Variants in ADAD1 observed in about 807,000 individuals in gnomAD.
ADAD1 encodes adenosine deaminase domain containing 1, also known as adenosine deaminase domain-containing protein 1.
In ADAD1, 46 loss-of-function variants were observed where a neutral mutation model predicts 66.8. The ratio of observed to expected loss-of-function variants is 0.69; its 90% CI spans 0.54 to 0.88. The LOEUF (loss-of-function observed/expected upper bound fraction) is 0.88, where lower values mean the gene tolerates loss of function less well. Ranked by LOEUF, ADAD1 falls within the 40% of genes least tolerant of loss-of-function variation. ADAD1 has a pLI of 0.00. For synonymous variants in ADAD1, 248 were observed against 229.4 expected, an observed-to-expected ratio of 1.08 and a Z score of -0.73; for missense variants, 617 against 681.8, an observed-to-expected ratio of 0.91 and a Z score of 1.06.
intron 5 of ADAD1, among the ~76,000 whole-genome samples, chr4:122,384,239 C>T (rs1795050138): frequency 6.6e-6 from 1 of 152,104 alleles, no homozygotes; most frequent in Non-Finnish European, 1.5e-5. Flanking sequence ...ATATAGTTTT[C>T]TTTGTAATTT....
chr4:122,428,072 G>A (rs1186084196), intron 12 of ADAD1, among the ~76,000 whole-genome samples: 2 of 120,056 alleles, frequency 1.7e-5, no homozygotes, highest in African/African-American at 7.5e-5. Flanking sequence ...TGGGATATGT[G>A]TGGGTAAAAC....
chr4:122,385,863 G>A (rs1795148177), intron 5 of ADAD1, among the ~76,000 whole-genome samples: 1 of 152,114 alleles, frequency 6.6e-6, no homozygotes, highest in Non-Finnish European at 1.5e-5. Flanking sequence ...CCCTTCAAAG[G>A]ACATGATCTC....
At chr4:122,415,238 A>C in intron 10 of ADAD1, 141 bp from the exon 11 acceptor site, 2 of 641,964 alleles carry the variant, frequency 3.1e-6, no homozygotes, top group Non-Finnish European at 5.3e-6. Context: ...AGTAGATGCT[A>C]AGAGAATAGA....
chr4:122,410,619 C>T (rs1463462830), intron 8 of ADAD1, among the ~76,000 whole-genome samples: 7 of 152,122 alleles, frequency 4.6e-5, no homozygotes, highest in African/African-American at 1.7e-4. Flanking sequence ...TCTCCTCAAT[C>T]GTTTTTCATT....
At chr4:122,406,580 C>T (rs929815276) in intron 7 of ADAD1, among the ~76,000 whole-genome samples, 8 of 152,122 alleles carry the variant, frequency 5.3e-5, no homozygotes, top group Admixed American at 2.6e-4. Context: ...ATGGTTTTTA[C>T]TTCAGTAGCT....
At position 122,411,583 on chromosome 4, in the gene ADAD1, A is replaced by G. The variant is rs113562154; in HGVS notation, c.1019+191A>G. ...CGTCAATCTAATCTATTACTTCTAC[A>G]GGTTGAGCTTCCCAAATCCAAAAGT... On this transcript the variant is annotated intron_variant, in intron 9 of 12. Coordinates refer to ENST00000296513, the MANE Select transcript of ADAD1 (RefSeq NM_139243.4). Among the ~76,000 whole-genome samples, 581 of 152,286 alleles carry G rather than the reference A, an allele frequency of 3.8e-3. 4 individuals are homozygous for G. The highest frequency in any genetic ancestry group is 0.013 in the African/African-American group (545 of 41,552).
chr4:122,393,651 C>G lies in ADAD1; in HGVS notation c.592C>G (p.His198Asp). Reference sequence around the variant, plus strand: ...TGAACTAGCATATGTTTCAAAAGTACATTATGGTAGGAAAGTTTTTTGTGA... The same window carrying G: ...TGAACTAGCATATGTTTCAAAAGTAGATTATGGTAGGAAAGTTTTTTGTGA... ...LSELAYVSKVHYEGRHIQYAK... is the reference protein window; with the variant it reads ...LSELAYVSKVDYEGRHIQYAK... The change falls in exon 6 of 13, where the codon CAT becomes GAT. Residue 198 changes from histidine to aspartate, a missense_variant. Coordinates refer to ENST00000296513, the MANE Select transcript of ADAD1 (RefSeq NM_139243.4). 6.3e-7 allele frequency: 1 copy of G among 1,594,346 alleles called. No homozygotes were observed. Among genetic ancestry groups the G allele is most frequent in the Non-Finnish European group, 8.5e-7 (1 of 1,172,442 alleles).
At chr4:122,385,608 T>C (rs975752279) in intron 5 of ADAD1, among the ~76,000 whole-genome samples, 1 of 152,196 alleles carries the variant, frequency 6.6e-6, no homozygotes, top group Admixed American at 6.5e-5. Flanking sequence ...AGGATACGTG[T>C]GCAGAACATG....
chr4:122,414,690 T>A (rs1345183537), intron 10 of ADAD1, among the ~76,000 whole-genome samples: 1 of 152,240 alleles, frequency 6.6e-6, no homozygotes, highest in East Asian at 1.9e-4. Flanking sequence ...ACTTCTGACC[T>A]TCTGAGGAAG....
Position 122,381,108 on chromosome 4 carries a change from C to G in ADAD1, c.289C>G (p.Pro97Ala). ...GAAATACAAACGTGGAGAGATAAAT[C>G]CTGTGTCAGCCTTGCACCAGTTTGC... is the stretch of plus-strand genomic sequence containing the variant. The part of the protein sequence containing the change: ...IMKYKRGEIN[P>A]VSALHQFAQM... Residue 97 changes from proline (P) to alanine (A), a missense_variant, in exon 4 of 13, where the codon CCT becomes GCT. Physicochemically the swap from Pro to Ala is conservative, Grantham distance 27. Transcript: ENST00000296513. The G allele has an allele frequency of 6.2e-7, 1 of 1,604,886 alleles. No homozygotes were observed. Among genetic ancestry groups the G allele is most frequent in the Non-Finnish European group, 8.5e-7 (1 of 1,178,202 alleles).
intron 7 of ADAD1, 91 bp from the exon 8 acceptor site, chr4:122,407,817 C>G: frequency 7.6e-7 from 1 of 1,315,850 alleles, no homozygotes; most frequent in Non-Finnish European, 1.0e-6. Context: ...ATATATTCTA[C>G]TAAATTAAAA....
chr4:122,415,796 A>T lies in ADAD1; in HGVS notation c.1487+180A>T, dbSNP rs555282692. 2.0e-3 allele frequency among the ~76,000 whole-genome samples: 303 copies of T among 152,280 alleles called. 5 individuals are homozygous for T. In the South Asian group the frequency reaches 0.028, roughly 14 times the overall value. The stretch of plus-strand genomic sequence containing the variant: ...CTAATTTTAAAAATTTTTTAATTTT[A>T]AATTTTTTTTCTGATGAGAAGACAG... On this transcript the variant is annotated intron_variant, in intron 11 of 12. Transcript: ENST00000296513.
At chr4:122,411,875 A>G (rs577796166) in intron 9 of ADAD1, among the ~76,000 whole-genome samples, 115 of 152,116 alleles carry the variant, frequency 7.6e-4, no homozygotes, top group African/African-American at 2.7e-3. Flanking sequence ...AAAATCTTCT[A>G]CTCCTTTCTA....
intron 7 of ADAD1, among the ~76,000 whole-genome samples, chr4:122,398,628 G>A (rs906017749): frequency 7.2e-5 from 11 of 151,868 alleles, no homozygotes; most frequent in Admixed American, 1.3e-4. Context: ...CCACATACAC[G>A]TCAACATCCA....
chr4:122,429,713 C>T lies in ADAD1; in HGVS notation c.1705C>T (p.Pro569Ser), dbSNP rs1221669369. ...HGYGSWIVKS[P>S]CIEQFNM Reference sequence around the variant, plus strand: ...CTATGGATCCTGGATTGTGAAATCTCCCTGCATAGAGCAATTTAACATGTG... The same window carrying T: ...CTATGGATCCTGGATTGTGAAATCTTCCTGCATAGAGCAATTTAACATGTG... The change falls in exon 13 of 13, where the codon CCC (proline) becomes TCC (serine). Residue 569 changes from proline to serine, a missense_variant. Coordinates refer to ENST00000296513, the MANE Select transcript of ADAD1 (RefSeq NM_139243.4). 2 of 1,611,006 alleles carry T rather than the reference C, an allele frequency of 1.2e-6. No individual in the cohort carries two copies. The highest frequency in any genetic ancestry group is 1.7e-6 in the Non-Finnish European group (2 of 1,178,084).
chr4:122,388,751 T>C (rs1232418896), intron 5 of ADAD1, among the ~76,000 whole-genome samples: 1 of 152,186 alleles, frequency 6.6e-6, no homozygotes, highest in African/African-American at 2.4e-5. Context: ...TATTTGATTC[T>C]TTTCTCTTCT....
chr4:122,407,711 T>G (rs892853837), intron 7 of ADAD1, among the ~76,000 whole-genome samples, 197 bp from the exon 8 acceptor site: 4 of 152,196 alleles, frequency 2.6e-5, no homozygotes, highest in African/African-American at 4.8e-5. Flanking sequence ...TCATTTATAT[T>G]TCATTATAAA....
intron 12 of ADAD1, among the ~76,000 whole-genome samples, chr4:122,424,752 GACTA>G (rs1460819684): frequency 1.3e-5 from 2 of 151,952 alleles, no homozygotes; most frequent in Non-Finnish European, 2.9e-5. Flanking sequence ...CAATAAAGTA[GACTA>G]ACTGCTCCAG....
At chr4:122,427,410 G>A (rs986406325) in intron 12 of ADAD1, among the ~76,000 whole-genome samples, 1 of 151,750 alleles carries the variant, frequency 6.6e-6, no homozygotes, top group African/African-American at 2.4e-5. Flanking sequence ...GTATTGTTAG[G>A]TGTCACTTCT....
Sources: allele counts gnomAD v4.1 joint callset (sites outside exome capture counted in the v4.1 genomes callset), GRCh38; gene constraint gnomAD v4.1.1; transcripts MANE v1.5; gene names NCBI Gene and HGNC (gene_info 2026-07-23, HGNC 2026-07-21).